The following ANKRD11 variants were observed in gnomAD, a reference collection of about 807,000 sequenced individuals.
ANKRD11 encodes the protein ankyrin repeat domain-containing protein 11.
Under a neutral mutation model 195.7 loss-of-function variants are expected in ANKRD11, and 17 were observed. That is an observed-to-expected ratio of 0.09 (90% CI 0.06 to 0.13). The LOEUF is 0.13. ANKRD11 is among the 10% of genes least tolerant of loss of function. The pLI is 1.00. For synonymous variants in ANKRD11, 1,953 were observed against 1,528.1 expected, an observed-to-expected ratio of 1.28 and a Z score of -6.49; for missense variants, 3,735 against 3,566.1, an observed-to-expected ratio of 1.05 and a Z score of -1.21.
chr16:89,379,444 G>A (rs1373055893), intron 2 of ANKRD11, among the ~76,000 whole-genome samples: 1 of 152,198 alleles, frequency 6.6e-6, no homozygotes, highest in African/African-American at 2.4e-5. Flanking sequence ...CCCTGTCAGG[G>A]CATCCAAAAC....
chr16:89,290,383 C>CT (rs1359125041), intron 6 of ANKRD11, among the ~76,000 whole-genome samples: 1 of 18,450 alleles, frequency 5.4e-5, no homozygotes, highest in African/African-American at 2.2e-4. Context: ...AGGGCTCCAG[C>CT]GGGGGAGGCT....
rs148661050 is a variant in ANKRD11, at chr16:89,326,240, G to A, written c.-59-9162C>T. ...TCAGCAGATTTCCTCCAAGGCTTGC[G>A]AGGGTGGAAATAAACACACGGAAGT... On this transcript the variant is annotated intron_variant, in intron 2 of 12. Coordinates refer to ENST00000301030, the MANE Select transcript of ANKRD11 (RefSeq NM_013275.6). Among the ~76,000 whole-genome samples the A allele has an allele frequency of 1.8e-4, 28 of 152,318 alleles. No individual in the cohort carries two copies. In the East Asian group the frequency reaches 4.6e-3, roughly 25 times the overall value.
chr16:89,274,285 T>G (rs1275681571), intron 11 of ANKRD11, among the ~76,000 whole-genome samples: 1 of 152,162 alleles, frequency 6.6e-6, no homozygotes, highest in Non-Finnish European at 1.5e-5. Context: ...GGACAGTGAC[T>G]GTAGTTCTGG....
intron 1 of ANKRD11, among the ~76,000 whole-genome samples, chr16:89,449,034 G>C (rs997228302): frequency 6.6e-6 from 1 of 152,098 alleles, no homozygotes; most frequent in African/African-American, 2.4e-5. Context: ...ACATGAAAAA[G>C]AAAATGCAAG....
At chr16:89,305,391 C>G (rs1238956492) in intron 3 of ANKRD11, 47 bp from the exon 4 acceptor site, 1 of 1,612,256 alleles carries the variant, frequency 6.2e-7, no homozygotes, top group Admixed American at 1.7e-5. Flanking sequence ...AAATTACATT[C>G]TCAAGCTCTC....
intron 2 of ANKRD11, among the ~76,000 whole-genome samples, chr16:89,319,601 G>A (rs907906732): frequency 3.3e-5 from 5 of 152,282 alleles, no homozygotes; most frequent in Admixed American, 6.5e-5. Flanking sequence ...CGATGTGCTC[G>A]AGGCCCTGCA....
In ANKRD11 at chr16:89,285,169, C is replaced by A; in HGVS notation, c.1373G>T (p.Arg458Leu). The change falls in exon 9 of 13, where the codon CGA (arginine) becomes CTA (leucine). Residue 458 changes from arginine (R) to leucine (L), a missense_variant. Physicochemically the swap from Arg to Leu is moderately radical, Grantham distance 102 (BLOSUM62 -2). Transcript: ENST00000301030. The surrounding 1 kb of genome is among the most constrained non-coding windows in gnomAD (Gnocchi z 5.6). ...CTCTCTGCCTTTTGTTTCTTTCTTT[C>A]GCTTCTTTTTCACTTTATTTTTTTC... ...QKEKNKVKKK[R>L]KKETKGREVR... is the part of the protein sequence containing the mutation. 1 of 1,613,446 alleles carries A rather than the reference C, an allele frequency of 6.2e-7. No individual in the cohort carries two copies. Among genetic ancestry groups the A allele is most frequent in the Non-Finnish European group, 8.5e-7 (1 of 1,180,010 alleles).
chr16:89,482,543 G>A (rs563243928), intron 1 of ANKRD11, among the ~76,000 whole-genome samples: 1 of 152,342 alleles, frequency 6.6e-6, no homozygotes, highest in East Asian at 1.9e-4. Flanking sequence ...AGGTTACGTG[G>A]AAAAGGGAAC....
chr16:89,324,313 G>C, intron 2 of ANKRD11: 1 of 1,272,290 alleles, frequency 7.9e-7, no homozygotes, highest in South Asian at 1.3e-5. Context: ...CAGGAGCACG[G>C]ACACAGCAGT....
chr16:89,432,836 T>C (rs747448599), intron 1 of ANKRD11, among the ~76,000 whole-genome samples: 81 of 152,032 alleles, frequency 5.3e-4, no homozygotes, highest in Admixed American at 1.8e-3. Flanking sequence ...AGCTACTCAG[T>C]AGAATCACTT....
At chr16:89,384,879 C>CTTTCTTTTTTTTTTTTTT (rs2040832957) in intron 2 of ANKRD11, among the ~76,000 whole-genome samples, 1 of 49,910 alleles carries the variant, frequency 2.0e-5, no homozygotes, top group African/African-American at 7.9e-5. Flanking sequence ...AAATAGTTTT[C>CTTTCTTTTTTTTTTTTTT]TTTTTTTTTT....
chr16:89,282,300 ATCT>A lies in ANKRD11; in HGVS notation c.4239_4241del (p.Glu1413del), dbSNP rs778347369. The A allele has an allele frequency of 1.3e-4, 217 of 1,614,044 alleles. 1 individual carries two copies. In the African/African-American group the frequency reaches 2.6e-3, roughly 19 times the overall value. On this transcript the variant is annotated inframe_deletion, in exon 9 of 13. Coordinates refer to ENST00000301030, the MANE Select transcript of ANKRD11 (RefSeq NM_013275.6). ...ACAATTCAATGGTTTTATCTAGCTC[ATCT>A]TCTATGTCAGCTTTCATGTTGTAAG...
At position 89,279,064 on chromosome 16, in the gene ANKRD11, G is replaced by A. The variant is rs1301897874; in HGVS notation, c.7470+8C>T. On this transcript the variant is annotated splice_region_variant and intron_variant, in intron 9 of 12. Coordinates refer to ENST00000301030, the MANE Select transcript of ANKRD11 (RefSeq NM_013275.6). This position sits in a 1 kb window ranked among gnomAD's most constrained non-coding sequence, Gnocchi z 5.6. Reference sequence around the variant, plus strand: ...GAAGGCAGTGGCTCTCCCGGGCCCCGCACTCACCACGGGGATGTGGAGCTT... The same window carrying A: ...GAAGGCAGTGGCTCTCCCGGGCCCCACACTCACCACGGGGATGTGGAGCTT... 1 of 1,613,712 alleles carries A rather than the reference G, an allele frequency of 6.2e-7. No individual in the cohort carries two copies. Among genetic ancestry groups the A allele is most frequent in the Non-Finnish European group, 8.5e-7 (1 of 1,179,848 alleles).
At chr16:89,396,466 C>T (rs114994733) in intron 2 of ANKRD11, among the ~76,000 whole-genome samples, 189 of 152,204 alleles carry the variant, frequency 1.2e-3, no homozygotes, top group African/African-American at 4.4e-3. Context: ...GTTTTGGTGT[C>T]GTATCAATGA....
chr16:89,273,525 C>G (rs905365670), intron 11 of ANKRD11, among the ~76,000 whole-genome samples: 2 of 151,994 alleles, frequency 1.3e-5, no homozygotes, highest in African/African-American at 4.8e-5. Flanking sequence ...GGTGACACCC[C>G]GTCTCCACTA....
chr16:89,295,591 G>A (rs2035361851), intron 4 of ANKRD11, among the ~76,000 whole-genome samples: 1 of 152,170 alleles, frequency 6.6e-6, no homozygotes, highest in African/African-American at 2.4e-5. Context: ...GGGGCAGCAG[G>A]GGCCACAGTG....
chr16:89,418,220 G>A lies in ANKRD11; in HGVS notation c.-60+64C>T. The A allele has an allele frequency of 4.5e-6, 2 of 448,116 alleles. 1 individual carries two copies. The highest frequency in any genetic ancestry group is 3.1e-5 in the South Asian group (2 of 64,060). 27.8% of individuals were successfully genotyped at this position (448,116 alleles called of 1,614,324 possible). A position where few individuals can be genotyped will look rare whatever the true frequency, so the allele number is the denominator to read the frequency against. ...AACCTGGACACTCACGCATTATTTT[G>A]ATACTTATTTTTACAAATCAATGAC... is the stretch of plus-strand genomic sequence containing the variant. On this transcript the variant is annotated intron_variant, in intron 2 of 12. Coordinates refer to ENST00000301030, the MANE Select transcript of ANKRD11 (RefSeq NM_013275.6).
At position 89,490,534 on chromosome 16, in the gene ANKRD11, C is replaced by T; in HGVS notation, c.-434G>A. 2.2e-6 allele frequency: 1 copy of T among 463,298 alleles called. No homozygotes were observed. Among genetic ancestry groups the T allele is most frequent in the Non-Finnish European group, 3.9e-6 (1 of 258,416 alleles). 28.7% of individuals were successfully genotyped at this position (463,298 alleles called of 1,614,324 possible). On this transcript the variant is annotated 5_prime_UTR_variant, in exon 1 of 13. An upstream start codon of the reference 5' UTR is lost. Transcript: ENST00000301030. ...GCCTCCCCGGCTGGGGCCCTCGGTC[C>T]ATCGCGCACCGTCTCAGGGCGGCCT...
intron 2 of ANKRD11, among the ~76,000 whole-genome samples, chr16:89,320,793 G>C (rs1022262742): frequency 1.8e-4 from 28 of 152,370 alleles, no homozygotes; most frequent in African/African-American, 6.7e-4. Flanking sequence ...CTGGGATCCA[G>C]GGCCAGCTGA....
Sources: allele counts gnomAD v4.1 joint callset (sites outside exome capture counted in the v4.1 genomes callset), GRCh38; gene constraint gnomAD v4.1.1; non-coding constraint Gnocchi (gnomAD v3.1); transcripts MANE v1.5; gene names NCBI Gene and HGNC (gene_info 2026-07-23, HGNC 2026-07-21).